KCNMA1: variants seen among roughly 807,000 people sequenced by gnomAD.
The protein encoded by KCNMA1 is Calcium-activated potassium channel subunit alpha-1.
A neutral mutation model predicts 140.0 loss-of-function variants in KCNMA1; 29 were observed. The observed-to-expected ratio is 0.21, with a 90% CI of 0.15 to 0.28. The LOEUF is 0.28. KCNMA1 is among the 10% of genes least tolerant of loss of function. The pLI, the probability that KCNMA1 is intolerant of heterozygous loss-of-function variation, is 1.00. For missense variants in KCNMA1, 880 were observed against 1,602.2 expected (o/e 0.55, Z 7.70); for synonymous variants, 612 against 611.9 (o/e 1.00, Z 0.00).
In KCNMA1 at chr10:77,252,421, T is replaced by C. The variant is rs193220699; in HGVS notation, c.541-1165A>G. Among the ~76,000 whole-genome samples the C allele has an allele frequency of 1.2e-3, 181 of 152,244 alleles. 1 individual carries two copies. Among genetic ancestry groups the C allele is most frequent in the South Asian group, 1.9e-3 (9 of 4,828 alleles). Reference sequence around the variant, plus strand: ...TGAAGAGACTGCAGGCTGAAGGGCATTGGAAGTCAGTCTCCTCAGTGTCCA... The same window carrying C: ...TGAAGAGACTGCAGGCTGAAGGGCACTGGAAGTCAGTCTCCTCAGTGTCCA... On this transcript the variant is annotated intron_variant, in intron 2 of 27. Coordinates refer to ENST00000286628, the MANE Select transcript of KCNMA1 (RefSeq NM_001161352.2).
rs555659162 is a variant in KCNMA1 at position 77,046,565 on chromosome 10, C to T, written c.1750-6928G>A. Among the ~76,000 whole-genome samples, 235 of 152,240 alleles carry T rather than the reference C, an allele frequency of 1.5e-3. 1 individual carries two copies. Among genetic ancestry groups the T allele is most frequent in the African/African-American group, 5.3e-3 (221 of 41,536 alleles). On this transcript the variant is annotated intron_variant, in intron 14 of 27. Transcript: ENST00000286628. ...AGGGGAAAAGTTTAATTGAATCTTG[C>T]GTTTTCTCATTTCTTGCTGAAAAGT...
chr10:77,627,882 C>T (rs1457066945), intron 1 of KCNMA1, among the ~76,000 whole-genome samples: 1 of 152,232 alleles, frequency 6.6e-6, no homozygotes, highest in Admixed American at 6.5e-5. Flanking sequence ...CCTGAGGCCC[C>T]AAAGCTTCCT....
At chr10:77,131,821 T>C (rs2097863712) in intron 5 of KCNMA1, among the ~76,000 whole-genome samples, 1 of 151,554 alleles carries the variant, frequency 6.6e-6, no homozygotes, top group Non-Finnish European at 1.5e-5. Context: ...AAAAATTAGC[T>C]GGGCATGGAG....
intron 1 of KCNMA1, among the ~76,000 whole-genome samples, chr10:77,597,446 A>G (rs188856184): frequency 6.6e-6 from 1 of 152,346 alleles, no homozygotes; most frequent in African/African-American, 2.4e-5. Flanking sequence ...ATCATTATAC[A>G]TTCCACACAT....
At chr10:77,604,668 C>T (rs932385376) in intron 1 of KCNMA1, among the ~76,000 whole-genome samples, 18 of 152,252 alleles carry the variant, frequency 1.2e-4, no homozygotes, top group African/African-American at 3.4e-4. Flanking sequence ...GCCTGCACAA[C>T]AGAGCAAAAC....
intron 19 of KCNMA1, among the ~76,000 whole-genome samples, chr10:76,971,983 G>A (rs559051502): frequency 1.3e-5 from 2 of 151,866 alleles, no homozygotes. Context: ...GGGTGTGTGT[G>A]TGTGTGTGTG....
intron 2 of KCNMA1, among the ~76,000 whole-genome samples, chr10:77,301,249 G>T (rs2076465854): frequency 1.3e-5 from 2 of 152,152 alleles, no homozygotes; most frequent in Non-Finnish European, 2.9e-5. Context: ...GAGAAAACCT[G>T]CCTCAAATGG....
chr10:77,310,111 C>T (rs2078877883), intron 2 of KCNMA1, among the ~76,000 whole-genome samples: 1 of 152,142 alleles, frequency 6.6e-6, no homozygotes. Context: ...GTGGCATAAA[C>T]AAAGAAGTGG....
intron 2 of KCNMA1, among the ~76,000 whole-genome samples, chr10:77,361,539 G>A (rs771905107): frequency 1.6e-4 from 24 of 152,212 alleles, no homozygotes; most frequent in African/African-American, 3.6e-4. Flanking sequence ...AGAAAAGCCC[G>A]GGAACTAATG....
At chr10:77,633,792 C>T (rs1603639189) in intron 1 of KCNMA1, among the ~76,000 whole-genome samples, 1 of 152,206 alleles carries the variant, frequency 6.6e-6, no homozygotes, top group African/African-American at 2.4e-5. Context: ...TGCCCAGCCA[C>T]ACTCAGGCCC....
chr10:77,386,661 T>C (rs1036484637), intron 2 of KCNMA1, among the ~76,000 whole-genome samples: 5 of 152,206 alleles, frequency 3.3e-5, no homozygotes, highest in African/African-American at 1.2e-4. Context: ...TCTTTCCTAT[T>C]TGAAGCCTTG....
At chr10:77,338,354 T>C (rs1017966576) in intron 2 of KCNMA1, among the ~76,000 whole-genome samples, 1 of 4,660 alleles carries the variant, frequency 2.1e-4, no homozygotes, top group Admixed American at 1.6e-3. Context: ...CTGGCTCAAT[T>C]ACTACATCAC....
At chr10:77,037,272 T>C (rs2094396713) in intron 15 of KCNMA1, among the ~76,000 whole-genome samples, 1 of 152,116 alleles carries the variant, frequency 6.6e-6, no homozygotes, top group Non-Finnish European at 1.5e-5. Flanking sequence ...GTTTAAGATA[T>C]CAGGGAGGAG....
chr10:77,115,007 G>A (rs1239345580), intron 6 of KCNMA1, among the ~76,000 whole-genome samples: 1 of 152,226 alleles, frequency 6.6e-6, no homozygotes, highest in African/African-American at 2.4e-5. Flanking sequence ...CTTGTTTACA[G>A]TTCTTTCCCA....
chr10:77,360,532 G>A (rs572889371), intron 2 of KCNMA1, among the ~76,000 whole-genome samples: 1 of 152,190 alleles, frequency 6.6e-6, no homozygotes, highest in Non-Finnish European at 1.5e-5. Flanking sequence ...CTGGACGCCT[G>A]CTGTACCAGG....
intron 2 of KCNMA1, among the ~76,000 whole-genome samples, chr10:77,349,458 G>A (rs57651186): frequency 2.6e-5 from 4 of 152,104 alleles, no homozygotes; most frequent in Admixed American, 6.5e-5. Flanking sequence ...TCCTCCCATC[G>A]ACTGGGCAAA....
chr10:77,019,014 T>G lies in KCNMA1; in HGVS notation c.2014A>C (p.Arg672=). 6.4e-7 allele frequency: 1 copy of G among 1,551,476 alleles called. No individual in the cohort carries two copies. The part of the protein sequence containing the change: ...FIASDAKEVK[R]AFFYCKACHD... ...AGCCAGTTGAAAATAAACTCTTACC[T>G]TTTAACTTCTTTGGCATCACTTGCG... The change falls in exon 17 of 28, where the codon AGG becomes CGG. Residue 672 remains arginine, a splice_region_variant and synonymous_variant. Transcript: ENST00000286628.
At chr10:76,896,929 T>A (rs560940372) in intron 25 of KCNMA1, among the ~76,000 whole-genome samples, 4 of 151,994 alleles carry the variant, frequency 2.6e-5, no homozygotes, top group East Asian at 1.9e-4. Context: ...CTCATTTTTT[T>A]AAAATAAATA....
Position 77,487,907 on chromosome 10 carries a change from G to A in KCNMA1, c.379-83884C>T, listed in dbSNP as rs116404789. On this transcript the variant is annotated intron_variant, in intron 1 of 27. Transcript: ENST00000286628. ...GGAGTCCCCAGGTTGGGCTGGTACT[G>A]TGCGTTTTAACAAGGCCATCCAGGT... 3.4e-3 allele frequency among the ~76,000 whole-genome samples: 520 copies of A among 152,240 alleles called. 6 individuals carry two copies. Among genetic ancestry groups the A allele is most frequent in the African/African-American group, 0.012 (506 of 41,532 alleles).
Sources: gnomAD v4.1 joint callset for allele counts (sites outside exome capture counted in the v4.1 genomes callset) on GRCh38, gnomAD v4.1.1 for gene constraint, MANE v1.5 for transcripts, NCBI Gene and HGNC (gene_info 2026-07-23, HGNC 2026-07-21) for gene names.